Variants in LINGO2 observed in about 807,000 individuals in gnomAD.
The protein encoded by LINGO2 is leucine-rich repeat and immunoglobulin-like domain-containing nogo receptor-interacting protein 2.
A neutral mutation model predicts 30.6 loss-of-function variants in LINGO2; 14 were observed. The observed-to-expected ratio is 0.46, with a 90% CI of 0.30 to 0.72. The LOEUF (loss-of-function observed/expected upper bound fraction) is 0.72, where lower values mean the gene tolerates loss of function less well. Ranked by LOEUF, LINGO2 falls within the 30% of genes least tolerant of loss-of-function variation. LINGO2 has a pLI of 0.07. For missense variants in LINGO2, 729 were observed against 751.7 expected (o/e 0.97, Z 0.35); for synonymous variants, 317 against 288.5 (o/e 1.10, Z -1.00).
the LINGO2 span, among the ~76,000 whole-genome samples, chr9:29,054,914 C>A: frequency 6.6e-6 from 1 of 152,100 alleles, no homozygotes; most frequent in East Asian, 1.9e-4. Context: ...AACTAGACTT[C>A]GATCTTTTAA....
Position 28,195,363 on chromosome 9 carries a change from G to A in LINGO2, c.-87+99845C>T, listed in dbSNP as rs561919658. ...CTCATTAAAAAAATTCAAGAAAGTT[G>A]CCTTTAAATAACAAGATGGTGAGCG... On this transcript the variant is annotated intron_variant, in intron 4 of 5. Transcript: ENST00000379992. Among the ~76,000 whole-genome samples the A allele has an allele frequency of 4.7e-5, 6 of 127,636 alleles. No individual in the cohort carries two copies. In the South Asian group the frequency reaches 1.3e-3, roughly 28 times the overall value. The allele number at this position is 127,636 out of a possible 152,430, so 83.7% of individuals were successfully genotyped here. A position where few individuals can be genotyped will look rare whatever the true frequency, so the allele number is the denominator to read the frequency against.
intron 3 of LINGO2, among the ~76,000 whole-genome samples, chr9:28,296,805 C>T (rs1176013824): frequency 1.3e-5 from 2 of 152,146 alleles, no homozygotes; most frequent in Admixed American, 6.5e-5. Context: ...AACACACACA[C>T]GTCTAAAATT....
the LINGO2 span, among the ~76,000 whole-genome samples, chr9:29,174,050 A>T: frequency 2.6e-5 from 4 of 152,130 alleles, no homozygotes; most frequent in Non-Finnish European, 5.9e-5. Context: ...TATTAAACAG[A>T]ATAGAGCATC....
chr9:28,164,392 C>T (rs1828369957), intron 4 of LINGO2, among the ~76,000 whole-genome samples: 1 of 152,122 alleles, frequency 6.6e-6, no homozygotes, highest in Admixed American at 6.5e-5. Flanking sequence ...AAGATTTTTC[C>T]ATTTATTTAC....
Position 28,370,971 on chromosome 9 carries a change from A to G in LINGO2, c.-246+1865T>C, listed in dbSNP as rs7851014. Reference sequence around the variant, plus strand: ...TTATAAGAAGGGCATGAGTATACCTACAGTGGCTAATGCAAGCCATCAGAA... The same window carrying G: ...TTATAAGAAGGGCATGAGTATACCTGCAGTGGCTAATGCAAGCCATCAGAA... On this transcript the variant is annotated intron_variant, in intron 3 of 5. Transcript: ENST00000379992. Among the ~76,000 whole-genome samples the G allele has an allele frequency of 8.2e-3, 1,245 of 152,304 alleles. 18 individuals are homozygous for G. Among genetic ancestry groups the G allele is most frequent in the African/African-American group, 0.029 (1,201 of 41,568 alleles).
At chr9:28,838,016 G>C in the LINGO2 span, among the ~76,000 whole-genome samples, 1 of 151,936 alleles carries the variant, frequency 6.6e-6, no homozygotes, top group East Asian at 1.9e-4. Context: ...GTCAGCAAAG[G>C]AGAAAAAAAT....
At chr9:28,395,550 C>T (rs908779382) in intron 2 of LINGO2, among the ~76,000 whole-genome samples, 1 of 151,800 alleles carries the variant, frequency 6.6e-6, no homozygotes, top group Admixed American at 6.6e-5. Context: ...AAAATCATGT[C>T]CTTGCTGCTT....
chr9:28,150,200 C>G (rs1827958323), intron 4 of LINGO2, among the ~76,000 whole-genome samples: 1 of 151,388 alleles, frequency 6.6e-6, no homozygotes, highest in South Asian at 2.1e-4. Flanking sequence ...CCTGCACCGT[C>G]TGGGAAATGA....
At chr9:29,087,828 T>C in the LINGO2 span, among the ~76,000 whole-genome samples, 1 of 152,050 alleles carries the variant, frequency 6.6e-6, no homozygotes, top group Non-Finnish European at 1.5e-5. Context: ...GCTCTAGAAC[T>C]TACCAGCCCT....
chr9:28,388,384 G>A (rs1402464380), intron 2 of LINGO2, among the ~76,000 whole-genome samples: 1 of 152,076 alleles, frequency 6.6e-6, no homozygotes, highest in African/African-American at 2.4e-5. Context: ...GTTCACCCCT[G>A]TGTCTCCTGA....
the LINGO2 span, among the ~76,000 whole-genome samples, chr9:28,721,057 CAT>C: frequency 6.6e-6 from 1 of 151,938 alleles, no homozygotes; most frequent in Non-Finnish European, 1.5e-5. Flanking sequence ...GGCCAACAAA[CAT>C]ATATAAAAAA....
the LINGO2 span, among the ~76,000 whole-genome samples, chr9:29,078,739 A>G: frequency 6.6e-6 from 1 of 151,984 alleles, no homozygotes; most frequent in Non-Finnish European, 1.5e-5. Flanking sequence ...TCTGAAAGTT[A>G]TTAAGCCAGG....
chr9:28,410,173 G>GAGGAAAGGAA lies in LINGO2; in HGVS notation c.-278-37315_-278-37306dup, dbSNP rs539164595. Among the ~76,000 whole-genome samples, 1,109 of 151,224 alleles carry GAGGAAAGGAA rather than the reference G, an allele frequency of 7.3e-3. 39 individuals are homozygous for GAGGAAAGGAA. The East Asian group carries it at 0.09, about 12-fold the overall frequency. On this transcript the variant is annotated intron_variant, in intron 2 of 5. Coordinates refer to ENST00000379992, the Ensembl canonical transcript of LINGO2. ...GGAAAAAGTAACAGAGAAAGAGAAAGAGGAAAGGAAAGGGAAAGGAAAGGA... is the reference window on the plus strand; with the variant it reads ...GGAAAAAGTAACAGAGAAAGAGAAAGAGGAAAGGAAAGGAAAGGAAAGGGAAAGGAAAGGA...
chr9:28,785,389 C>G, the LINGO2 span, among the ~76,000 whole-genome samples: 1 of 152,248 alleles, frequency 6.6e-6, no homozygotes, highest in South Asian at 2.1e-4. Flanking sequence ...GACCTCATAT[C>G]AACTCTCATT....
the LINGO2 span, among the ~76,000 whole-genome samples, chr9:29,123,414 T>A: frequency 6.6e-6 from 1 of 152,094 alleles, no homozygotes; most frequent in African/African-American, 2.4e-5. Flanking sequence ...TTAGAGAAGC[T>A]AGGAATATTA....
At chr9:28,484,341 T>C (rs1033680561) in intron 1 of LINGO2, among the ~76,000 whole-genome samples, 1 of 152,032 alleles carries the variant, frequency 6.6e-6, no homozygotes, top group African/African-American at 2.4e-5. Flanking sequence ...ATAAATCTGT[T>C]TATATAGAGT....
the LINGO2 span, among the ~76,000 whole-genome samples, chr9:29,173,835 T>C: frequency 6.6e-6 from 1 of 152,116 alleles, no homozygotes; most frequent in Non-Finnish European, 1.5e-5. Flanking sequence ...AATATTCATC[T>C]AAGGCAAGAA....
the LINGO2 span, among the ~76,000 whole-genome samples, chr9:29,079,563 T>C: frequency 6.6e-6 from 1 of 152,018 alleles, no homozygotes; most frequent in African/African-American, 2.4e-5. Flanking sequence ...CAATATCATA[T>C]ATTCTGTTCT....
the LINGO2 span, among the ~76,000 whole-genome samples, chr9:28,705,393 C>T: frequency 6.6e-6 from 1 of 152,040 alleles, no homozygotes; most frequent in South Asian, 2.1e-4. Flanking sequence ...GTGGACTTCA[C>T]AAGTGTCTCT....
Sources: allele counts gnomAD v4.1 joint callset (sites outside exome capture counted in the v4.1 genomes callset), GRCh38; gene constraint gnomAD v4.1.1; transcripts MANE v1.5; gene names NCBI Gene and HGNC (gene_info 2026-07-23, HGNC 2026-07-21).